ASZ1: variants seen among roughly 807,000 people sequenced by gnomAD.
ASZ1 encodes the protein ankyrin repeat, SAM and basic leucine zipper domain containing 1.
A neutral mutation model predicts 61.8 loss-of-function variants in ASZ1; 67 were observed. The ratio of observed to expected loss-of-function variants is 1.08; its 90% CI spans 0.89 to 1.33. The LOEUF (loss-of-function observed/expected upper bound fraction) is 1.33. ASZ1 is among the 40% of genes most tolerant of loss of function. ASZ1 has a pLI of 0.00. For missense variants in ASZ1, 577 were observed against 554.5 expected (o/e 1.04, Z -0.41); for synonymous variants, 193 against 192.7 (o/e 1.00, Z -0.01).
chr7:117,407,783 G>A (rs1228392402), intron 4 of ASZ1, among the ~76,000 whole-genome samples: 1 of 152,106 alleles, frequency 6.6e-6, no homozygotes, highest in Admixed American at 6.5e-5. Flanking sequence ...AAGCTACTTT[G>A]ACCTTCTGTA....
intron 3 of ASZ1, 148 bp downstream of exon 3, chr7:117,422,089 T>C (rs1797108560): frequency 1.2e-6 from 1 of 811,318 alleles, no homozygotes. Flanking sequence ...GTATGGTTTC[T>C]AATTTGATTT....
At position 117,426,835 on chromosome 7, in the gene ASZ1, C is replaced by T; in HGVS notation, c.205+1G>A. The T allele has an allele frequency of 6.3e-7, 1 of 1,596,244 alleles. No individual in the cohort carries two copies. The highest frequency in any genetic ancestry group is 1.8e-5 in the Admixed American group (1 of 54,924). On this transcript the variant is annotated splice_donor_variant, in intron 2 of 12. Transcript: ENST00000284629. LOFTEE classifies it high-confidence loss of function. ...AGATGAAACTGTCCCTTATCTCTCACCAGAATCTAGGAGCTCCTGGACCAA... is the reference window on the plus strand; with the variant it reads ...AGATGAAACTGTCCCTTATCTCTCATCAGAATCTAGGAGCTCCTGGACCAA...
intron 4 of ASZ1, among the ~76,000 whole-genome samples, chr7:117,412,372 T>C (rs959713550): frequency 5.3e-5 from 8 of 151,914 alleles, no homozygotes; most frequent in Admixed American, 3.9e-4. Context: ...TGAAATAATA[T>C]TTTTGTAATT....
chr7:117,411,691 T>C (rs1430655806), intron 4 of ASZ1, among the ~76,000 whole-genome samples: 1 of 151,794 alleles, frequency 6.6e-6, no homozygotes, highest in African/African-American at 2.4e-5. Context: ...CATCTGATGC[T>C]TACTCTGTGG....
chr7:117,395,725 G>C (rs1796565033), intron 4 of ASZ1, among the ~76,000 whole-genome samples: 1 of 152,042 alleles, frequency 6.6e-6, no homozygotes, highest in Non-Finnish European at 1.5e-5. Context: ...GGTTTACCAA[G>C]TATATATTAA....
intron 4 of ASZ1, among the ~76,000 whole-genome samples, chr7:117,391,671 C>T (rs1372828460): frequency 6.6e-6 from 1 of 152,144 alleles, no homozygotes; most frequent in Non-Finnish European, 1.5e-5. Context: ...TGTACCTGTA[C>T]AATACTGTTT....
Position 117,368,655 on chromosome 7 carries a change from G to C in ASZ1, c.1118C>G (p.Ala373Gly), listed in dbSNP as rs28513898. Residue 373 changes from alanine to glycine, a missense_variant, in exon 11 of 13, where the codon GCT becomes GGT. Ala to Gly is a moderately conservative substitution (Grantham distance 60). Coordinates refer to ENST00000284629, the MANE Select transcript of ASZ1 (RefSeq NM_130768.3). ...TAACTCAGTAATAACATTCTGTACAGCTGTTATTAAATGGCCACACTGTTT... is the reference window on the plus strand; with the variant it reads ...TAACTCAGTAATAACATTCTGTACACCTGTTATTAAATGGCCACACTGTTT... Reference protein sequence around the residue: ...LNKQCGHLITAVQNVITELPV... With the variant: ...LNKQCGHLITGVQNVITELPV... 5 of 1,612,832 alleles carry C rather than the reference G, an allele frequency of 3.1e-6. No individual in the cohort carries two copies. Among genetic ancestry groups the C allele is most frequent in the Non-Finnish European group, 3.4e-6 (4 of 1,179,416 alleles).
chr7:117,375,011 T>C (rs1796112502), intron 10 of ASZ1, among the ~76,000 whole-genome samples: 1 of 152,046 alleles, frequency 6.6e-6, no homozygotes, highest in Admixed American at 6.6e-5. Context: ...GAAAAACATT[T>C]GATGTACAAA....
At chr7:117,418,514 G>A (rs10953843) in intron 4 of ASZ1, among the ~76,000 whole-genome samples, 16,936 of 151,948 alleles carry the variant, frequency 0.11, 1,490 homozygotes, top group East Asian at 0.44. Flanking sequence ...TCAGTCAGTC[G>A]TGGTGGCGTG....
At chr7:117,387,169 G>C (rs1162953895) in intron 4 of ASZ1, among the ~76,000 whole-genome samples, 3 of 144,782 alleles carry the variant, frequency 2.1e-5, no homozygotes, top group Non-Finnish European at 4.5e-5. Flanking sequence ...AAAAAAATTA[G>C]CTGGATGTGG....
intron 2 of ASZ1, among the ~76,000 whole-genome samples, chr7:117,424,784 CAG>C (rs1389804744): frequency 6.6e-6 from 1 of 152,176 alleles, no homozygotes; most frequent in East Asian, 1.9e-4. Context: ...TCTACTTATT[CAG>C]AGTTTATTCA....
At chr7:117,365,352 T>C (rs892552757) in intron 12 of ASZ1, among the ~76,000 whole-genome samples, 1 of 152,186 alleles carries the variant, frequency 6.6e-6, no homozygotes, top group Non-Finnish European at 1.5e-5. Context: ...TTAACAGGTA[T>C]GCATTATTAA....
chr7:117,412,449 T>G (rs1394740242), intron 4 of ASZ1, among the ~76,000 whole-genome samples: 1 of 151,928 alleles, frequency 6.6e-6, no homozygotes, highest in Non-Finnish European at 1.5e-5. Flanking sequence ...AAGTTACTAT[T>G]GTAAGCCAAA....
rs1471931472 is a variant in ASZ1 at position 117,384,873 on chromosome 7, G to T, written c.553-13C>A. On this transcript the variant is annotated splice_polypyrimidine_tract_variant and intron_variant, in intron 5 of 12. Coordinates refer to ENST00000284629, the MANE Select transcript of ASZ1 (RefSeq NM_130768.3). ...CCCACGTTAAAGCCTGTAAGTAGGGGGAAAAGAAGATTGTTTAAAGAGAAG... is the reference window on the plus strand; with the variant it reads ...CCCACGTTAAAGCCTGTAAGTAGGGTGAAAAGAAGATTGTTTAAAGAGAAG... The T allele has an allele frequency of 1.3e-6, 2 of 1,548,080 alleles. No homozygotes were observed. Among genetic ancestry groups the T allele is most frequent in the Non-Finnish European group, 1.7e-6 (2 of 1,154,708 alleles).
Position 117,409,697 on chromosome 7 carries a change from T to C in ASZ1, c.440+10466A>G, listed in dbSNP as rs185024794. Among the ~76,000 whole-genome samples the C allele has an allele frequency of 7.2e-5, 11 of 151,924 alleles. No homozygotes were observed. In the East Asian group the frequency reaches 1.9e-3, roughly 27 times the overall value. ...ATTTAGCAAAATTTGAAAACAAATA[T>C]GTATACGAGCTAAAACACTCATATG... On this transcript the variant is annotated intron_variant, in intron 4 of 12. Transcript: ENST00000284629.
chr7:117,363,852 C>T (rs980273156), intron 12 of ASZ1, 104 bp from the exon 13 acceptor site: 2 of 1,003,740 alleles, frequency 2.0e-6, no homozygotes, highest in Non-Finnish European at 1.3e-6. Context: ...ATTCATTTCA[C>T]TTGATTTAGA....
At chr7:117,413,797 G>A (rs1426011696) in intron 4 of ASZ1, among the ~76,000 whole-genome samples, 1 of 152,022 alleles carries the variant, frequency 6.6e-6, no homozygotes, top group African/African-American at 2.4e-5. Context: ...GCATGGGAAG[G>A]AAAGAATTAC....
At chr7:117,426,313 C>G (rs1302357927) in intron 2 of ASZ1, among the ~76,000 whole-genome samples, 2 of 138,678 alleles carry the variant, frequency 1.4e-5, no homozygotes, top group Non-Finnish European at 3.1e-5. Flanking sequence ...AACCCTCTCT[C>G]TATTAAAAAT....
chr7:117,400,709 C>G (rs1796663706), intron 4 of ASZ1, among the ~76,000 whole-genome samples: 1 of 152,146 alleles, frequency 6.6e-6, no homozygotes, highest in Non-Finnish European at 1.5e-5. Context: ...ACTACAACCA[C>G]CAAGCTAAAA....
Sources: gnomAD v4.1 joint callset for allele counts (sites outside exome capture counted in the v4.1 genomes callset) on GRCh38, gnomAD v4.1.1 for gene constraint, MANE v1.5 for transcripts, NCBI Gene and HGNC (gene_info 2026-07-23, HGNC 2026-07-21) for gene names.